The following LARP4 variants were observed in gnomAD, a reference collection of about 807,000 sequenced individuals.
LARP4 encodes the protein La ribonucleoprotein 4.
LARP4 carries 29 observed loss-of-function variants against 92.9 expected under a neutral mutation model. The observed-to-expected ratio is 0.31, with a 90% CI of 0.23 to 0.43. The LOEUF is 0.43. LARP4 is among the 20% of genes least tolerant of loss of function. The pLI is 1.00. For synonymous variants in LARP4, 279 were observed against 284.1 expected (o/e 0.98, Z 0.18); for missense variants, 732 against 860.0 (o/e 0.85, Z 1.86).
intron 13 of LARP4, among the ~76,000 whole-genome samples, chr12:50,471,910 T>C (rs977620657): frequency 1.3e-5 from 2 of 152,216 alleles, no homozygotes; most frequent in South Asian, 2.1e-4. Flanking sequence ...GTAGTAGAAA[T>C]AATCTTTCAC....
chr12:50,441,967 T>A (rs766000584), intron 8 of LARP4, among the ~76,000 whole-genome samples: 1 of 152,218 alleles, frequency 6.6e-6, no homozygotes, highest in Non-Finnish European at 1.5e-5. Context: ...GGAGAACTGC[T>A]TTAACCCGGG....
At chr12:50,439,002 G>T (rs764095100) in intron 6 of LARP4, among the ~76,000 whole-genome samples, 4 of 152,214 alleles carry the variant, frequency 2.6e-5, no homozygotes, top group Non-Finnish European at 5.9e-5. Flanking sequence ...CAGTGGCACA[G>T]TCATGGCTTA....
intron 13 of LARP4, among the ~76,000 whole-genome samples, chr12:50,469,264 TC>T (rs1183641117): frequency 6.6e-6 from 1 of 152,054 alleles, no homozygotes; most frequent in Admixed American, 6.6e-5. Context: ...TACACTTTTT[TC>T]CCCCCATGTT....
chr12:50,450,572 C>T (rs1321502484), intron 8 of LARP4, among the ~76,000 whole-genome samples: 1 of 152,040 alleles, frequency 6.6e-6, no homozygotes, highest in Admixed American at 6.6e-5. Context: ...ATGAAAATCT[C>T]GGAAAAAAAT....
At chr12:50,468,039 G>A (rs940526234) in intron 13 of LARP4, among the ~76,000 whole-genome samples, 1 of 151,824 alleles carries the variant, frequency 6.6e-6, no homozygotes, top group Non-Finnish European at 1.5e-5. Context: ...GGAATGCAGT[G>A]GTGGATCTCT....
chr12:50,431,739 G>A (rs1949690056), intron 4 of LARP4, among the ~76,000 whole-genome samples: 1 of 152,054 alleles, frequency 6.6e-6, no homozygotes, highest in Admixed American at 6.5e-5. Context: ...CCAGCTACTC[G>A]GGAGGTGGCA....
chr12:50,475,808 G>A lies in LARP4; in HGVS notation c.2119G>A (p.Gly707Arg). ...RQFSHRAIPQ[G>R]VTRRNGKEQY... ...GTTTAGCCATAGGGCTATACCTCAG[G>A]GAGTGACTCGACGTAATGGCAAAGA... is the stretch of plus-strand genomic sequence containing the variant. The change falls in exon 16 of 16, where the codon GGA becomes AGA. Residue 707 changes from glycine to arginine, a missense_variant. Around this residue, in one of 7 missense-constraint regions of LARP4, gnomAD observed 115 missense variants for 129.1 expected, o/e 0.89. Transcript: ENST00000398473. 6 of 1,614,086 alleles carry A rather than the reference G, an allele frequency of 3.7e-6. No homozygotes were observed. In the South Asian group the frequency reaches 6.6e-5, roughly 18 times the overall value.
chr12:50,462,357 G>A (rs1056419348), intron 11 of LARP4, among the ~76,000 whole-genome samples: 6 of 151,940 alleles, frequency 3.9e-5, no homozygotes, highest in African/African-American at 1.5e-4. Flanking sequence ...ACACGTGCCT[G>A]TAATTCCAGC....
chr12:50,479,424 T>G lies in LARP4; in HGVS notation c.*3560T>G, dbSNP rs1403393056. 1 of 152,210 alleles carries G rather than the reference T, an allele frequency of 6.6e-6. No homozygotes were observed. Among genetic ancestry groups the G allele is most frequent in the Non-Finnish European group, 1.5e-5 (1 of 68,038 alleles). 9.4% of individuals were successfully genotyped at this position (152,210 alleles called of 1,614,324 possible). The stretch of plus-strand genomic sequence containing the variant: ...TCCTTACAATTTTGGTGGCCATTAA[T>G]TTAACTTTAGGCTTTTGGGCATATG... On this transcript the variant is annotated 3_prime_UTR_variant, in exon 16 of 16. Coordinates refer to ENST00000398473, the MANE Select transcript of LARP4 (RefSeq NM_052879.5).
intron 8 of LARP4, among the ~76,000 whole-genome samples, chr12:50,451,956 T>C (rs1019851356): frequency 2.0e-5 from 3 of 151,892 alleles, no homozygotes; most frequent in Non-Finnish European, 4.4e-5. Context: ...TGAGCCAAGA[T>C]TGCACCACTG....
At chr12:50,432,860 C>CAA (rs10660517) in intron 4 of LARP4, among the ~76,000 whole-genome samples, 86,923 of 124,258 alleles carry the variant, frequency 0.7, 34,903 homozygotes, top group Non-Finnish European at 0.91. Flanking sequence ...GACTTCGTTT[C>CAA]AAAAAAAAAA....
chr12:50,402,360 A>T (rs1415726797), intron 1 of LARP4, among the ~76,000 whole-genome samples: 1 of 152,188 alleles, frequency 6.6e-6, no homozygotes, highest in Non-Finnish European at 1.5e-5. Context: ...TACTGAACTC[A>T]TTCTGTTTAC....
At chr12:50,408,187 CTTTTTTTTTTTTT>C (rs71083565) in intron 1 of LARP4, among the ~76,000 whole-genome samples, 9 of 69,264 alleles carry the variant, frequency 1.3e-4, no homozygotes, top group East Asian at 6.5e-4. Context: ...GGATTTTCTG[CTTTTTTTTTTTTT>C]TTTTTTTTTT....
chr12:50,423,193 C>T (rs1948131671), intron 1 of LARP4, among the ~76,000 whole-genome samples: 1 of 152,068 alleles, frequency 6.6e-6, no homozygotes, highest in East Asian at 1.9e-4. Context: ...TACATCCATG[C>T]ATTTTTCCTT....
chr12:50,407,505 G>C (rs1945074322), intron 1 of LARP4, among the ~76,000 whole-genome samples: 1 of 152,112 alleles, frequency 6.6e-6, no homozygotes, highest in African/African-American at 2.4e-5. Flanking sequence ...TTTTAAAAGA[G>C]GAATGAAGAT....
intron 1 of LARP4, among the ~76,000 whole-genome samples, chr12:50,403,993 G>A (rs564030044): frequency 6.6e-6 from 1 of 152,114 alleles, no homozygotes; most frequent in Non-Finnish European, 1.5e-5. Flanking sequence ...GGAGGCTGAG[G>A]TGGGTGGCAA....
intron 4 of LARP4, among the ~76,000 whole-genome samples, chr12:50,435,275 G>A (rs1168332981): frequency 6.6e-6 from 1 of 152,132 alleles, no homozygotes; most frequent in East Asian, 1.9e-4. Context: ...TACTGTAAAA[G>A]TTATATTAAC....
At chr12:50,417,603 G>A (rs1442377459) in intron 1 of LARP4, among the ~76,000 whole-genome samples, 7 of 152,104 alleles carry the variant, frequency 4.6e-5, no homozygotes, top group Admixed American at 3.9e-4. Context: ...TCTTGTTACT[G>A]GTTTTGCTAT....
intron 11 of LARP4, 128 bp downstream of exon 11, chr12:50,461,475 GTTA>G (rs1955372294): frequency 2.0e-6 from 2 of 975,640 alleles, no homozygotes; most frequent in Non-Finnish European, 3.0e-6. Flanking sequence ...AAATAAATAC[GTTA>G]TTTTCAGAAC....
Sources: gnomAD v4.1 joint callset for allele counts (sites outside exome capture counted in the v4.1 genomes callset) on GRCh38, gnomAD v4.1.1 for gene constraint, gnomAD v4.1.1 regional missense constraint, MANE v1.5 for transcripts, NCBI Gene and HGNC (gene_info 2026-07-23, HGNC 2026-07-21) for gene names.